Variants in NR1D2 observed in about 807,000 individuals in gnomAD.
NR1D2 encodes the protein nuclear receptor subfamily 1 group D member 2.
In NR1D2, 25 loss-of-function variants were observed where a neutral mutation model predicts 52.2. That is an observed-to-expected ratio of 0.48 (90% CI 0.35 to 0.67). NR1D2 has a LOEUF of 0.67. Among genes scored for constraint, NR1D2 ranks in the 30% least tolerant of loss-of-function variants. The probability of loss-of-function intolerance (pLI) is 0.01; values close to 1 mark genes in which losing one functional copy is unlikely to be tolerated. For missense variants in NR1D2, 681 were observed against 707.2 expected (o/e 0.96, Z 0.42); for synonymous variants, 259 against 230.1 (o/e 1.13, Z -1.14).
intron 1 of NR1D2, among the ~76,000 whole-genome samples, chr3:23,949,740 C>T (rs1705873927): frequency 6.6e-6 from 1 of 152,194 alleles, no homozygotes; most frequent in African/African-American, 2.4e-5. Flanking sequence ...ACTAAAGCTT[C>T]TTGGTGATAA....
At chr3:23,968,486 A>G (rs1279950563) in intron 7 of NR1D2, among the ~76,000 whole-genome samples, 1 of 152,186 alleles carries the variant, frequency 6.6e-6, no homozygotes, top group Non-Finnish European at 1.5e-5. Context: ...TCTGCCATTG[A>G]ATTATGTGGG....
At chr3:23,967,635 AAT>A (rs1278779831) in intron 6 of NR1D2, among the ~76,000 whole-genome samples, 176 bp from the exon 7 acceptor site, 1 of 152,140 alleles carries the variant, frequency 6.6e-6, no homozygotes, top group Non-Finnish European at 1.5e-5. Context: ...AATAGAATAG[AAT>A]ATAGAATATA....
chr3:23,962,183 TCTC>T lies in NR1D2; in HGVS notation c.729_731del (p.Pro244del), dbSNP rs752888377. ...GGAGCAAGAAAACATCAAAAGCTCTTCTCCTCCATCTTCTGATTTTGCAAAGGA... is the reference window on the plus strand; with the variant it reads ...GGAGCAAGAAAACATCAAAAGCTCTTCTCCATCTTCTGATTTTGCAAAGGA... On this transcript the variant is annotated inframe_deletion, in exon 5 of 8. Coordinates refer to ENST00000312521, the MANE Select transcript of NR1D2 (RefSeq NM_005126.5). 4.2e-5 allele frequency: 68 copies of T among 1,614,110 alleles called. No individual in the cohort carries two copies. The highest frequency in any genetic ancestry group is 1.1e-4 in the East Asian group (5 of 44,880).
At chr3:23,975,880 C>T (rs1355501264) in intron 7 of NR1D2, among the ~76,000 whole-genome samples, 2 of 151,946 alleles carry the variant, frequency 1.3e-5, no homozygotes, top group Non-Finnish European at 2.9e-5. Context: ...GGCAAATGAC[C>T]TTTTTCAGCT....
intron 3 of NR1D2, among the ~76,000 whole-genome samples, chr3:23,958,806 A>G (rs4619734): frequency 0.73 from 111,339 of 151,650 alleles, 41,151 homozygotes; most frequent in Middle Eastern, 0.82. Flanking sequence ...AAAATTAGCC[A>G]GGTATGGTGG....
chr3:23,969,285 G>T (rs1047115093), intron 7 of NR1D2, among the ~76,000 whole-genome samples: 1 of 151,732 alleles, frequency 6.6e-6, no homozygotes, highest in Non-Finnish European at 1.5e-5. Flanking sequence ...GAGACTCCGT[G>T]TTAAAAAACA....
chr3:23,957,304 C>T (rs187125980), intron 3 of NR1D2, among the ~76,000 whole-genome samples: 29 of 150,372 alleles, frequency 1.9e-4, no homozygotes, highest in Admixed American at 1.3e-3. Context: ...TTTTAATGGC[C>T]GGGTAACTTT....
At chr3:23,949,392 A>G (rs955184632) in intron 1 of NR1D2, among the ~76,000 whole-genome samples, 3 of 151,922 alleles carry the variant, frequency 2.0e-5, no homozygotes, top group Middle Eastern at 3.2e-3. Flanking sequence ...AAAACACACC[A>G]TTTATTTTTG....
In NR1D2 at chr3:23,967,067, T is replaced by C. The variant is rs369449279; in HGVS notation, c.1333-746T>C. Among the ~76,000 whole-genome samples, 14 of 152,136 alleles carry C rather than the reference T, an allele frequency of 9.2e-5. No homozygotes were observed. In the East Asian group the frequency reaches 1.2e-3, roughly 13 times the overall value. ...TAGGCCGGGCGCTGTGGCTCATGCCTGTAATTCTAGCACTTTGGGAAGCCG... is the reference window on the plus strand; with the variant it reads ...TAGGCCGGGCGCTGTGGCTCATGCCCGTAATTCTAGCACTTTGGGAAGCCG... On this transcript the variant is annotated intron_variant, in intron 6 of 7. Transcript: ENST00000312521.
At chr3:23,964,708 C>T (rs1706393619) in intron 5 of NR1D2, 1 of 299,060 alleles carries the variant, frequency 3.3e-6, no homozygotes, top group Non-Finnish European at 6.1e-6. Context: ...TAAACCTGTG[C>T]AACAGGTGTT....
intron 2 of NR1D2, among the ~76,000 whole-genome samples, chr3:23,955,217 G>A (rs879293540): frequency 1.3e-5 from 2 of 152,202 alleles, no homozygotes; most frequent in Non-Finnish European, 2.9e-5. Flanking sequence ...ATAACCAAAT[G>A]AGTAGGGGGA....
rs1352101463 is a variant in NR1D2, at chr3:23,961,959, T to C, written c.518-18T>C. 1 of 1,563,104 alleles carries C rather than the reference T, an allele frequency of 6.4e-7. No homozygotes were observed. On this transcript the variant is annotated intron_variant, in intron 4 of 7. Coordinates refer to ENST00000312521, the MANE Select transcript of NR1D2 (RefSeq NM_005126.5). ...TCTTATTTAGAATATAGACGTTAAA[T>C]ATCTTTTTCTTCAATAGCTGTTCGG...
intron 4 of NR1D2, 48 bp from the exon 5 acceptor site, chr3:23,961,929 A>G: frequency 6.6e-7 from 1 of 1,507,532 alleles, no homozygotes; most frequent in Non-Finnish European, 8.9e-7. Flanking sequence ...TTTATACAAA[A>G]CAGGTCTTAT....
chr3:23,946,873 T>C (rs1454225558), intron 1 of NR1D2, among the ~76,000 whole-genome samples: 1 of 152,174 alleles, frequency 6.6e-6, no homozygotes, highest in Non-Finnish European at 1.5e-5. Flanking sequence ...CTGAAGTGAG[T>C]GAGGTTATGG....
At chr3:23,953,174 T>TA (rs574861144) in intron 1 of NR1D2, among the ~76,000 whole-genome samples, 171 of 143,604 alleles carry the variant, frequency 1.2e-3, no homozygotes, top group South Asian at 2.6e-3. Context: ...CCATCTCTAC[T>TA]AAAAAAAAAA....
intron 1 of NR1D2, among the ~76,000 whole-genome samples, chr3:23,946,943 G>T (rs893955254): frequency 6.6e-6 from 1 of 151,996 alleles, no homozygotes; most frequent in African/African-American, 2.4e-5. Context: ...ATCTTGCCTC[G>T]ATAACAAATG....
intron 5 of NR1D2, 193 bp from the exon 6 acceptor site, chr3:23,964,784 T>G: frequency 2.2e-6 from 1 of 459,026 alleles, no homozygotes. Flanking sequence ...TAATTGCTAT[T>G]TATATTAGGT....
At chr3:23,947,273 A>T (rs1008414077) in intron 1 of NR1D2, among the ~76,000 whole-genome samples, 1 of 152,196 alleles carries the variant, frequency 6.6e-6, no homozygotes, top group Non-Finnish European at 1.5e-5. Flanking sequence ...CTCTGGTTTG[A>T]GCCCTCTTCC....
Position 23,949,338 on chromosome 3 carries a change from C to T in NR1D2, c.16+3744C>T, listed in dbSNP as rs187982750. Reference sequence around the variant, plus strand: ...CGAGATCACACCATTGCACTCCATCCTGGGTGACAGAGCGAAACTCCGTCT... The same window carrying T: ...CGAGATCACACCATTGCACTCCATCTTGGGTGACAGAGCGAAACTCCGTCT... On this transcript the variant is annotated intron_variant, in intron 1 of 7. Coordinates refer to ENST00000312521, the MANE Select transcript of NR1D2 (RefSeq NM_005126.5). Among the ~76,000 whole-genome samples, 836 of 151,926 alleles carry T rather than the reference C, an allele frequency of 5.5e-3. 5 individuals carry two copies. Among genetic ancestry groups the T allele is most frequent in the Non-Finnish European group, 9.9e-3 (671 of 67,944 alleles).
Sources: gnomAD v4.1 joint callset for allele counts (sites outside exome capture counted in the v4.1 genomes callset) on GRCh38, gnomAD v4.1.1 for gene constraint, MANE v1.5 for transcripts, NCBI Gene and HGNC (gene_info 2026-07-23, HGNC 2026-07-21) for gene names.